PCDHGA1: variants seen among roughly 807,000 people sequenced by gnomAD.
The protein encoded by PCDHGA1 is protocadherin gamma subfamily A, 1.
Under a neutral mutation model 58.0 loss-of-function variants are expected in PCDHGA1, and 32 were observed. That is an observed-to-expected ratio of 0.55 (90% CI 0.42 to 0.74). The LOEUF is 0.74. PCDHGA1 is among the 30% of genes least tolerant of loss of function. The pLI, the probability that PCDHGA1 is intolerant of heterozygous loss-of-function variation, is 0.00. For missense variants in PCDHGA1, 1,205 were observed against 1,182.3 expected (o/e 1.02, Z -0.28); for synonymous variants, 498 against 501.1 (o/e 0.99, Z 0.08).
intron 1 of PCDHGA1, chr5:141,366,822 T>C: frequency 6.5e-7 from 1 of 1,538,974 alleles, no homozygotes; most frequent in Non-Finnish European, 8.8e-7. Flanking sequence ...TTCTGTCATA[T>C]TCAGAATCAG....
At position 141,432,119 on chromosome 5, in the gene PCDHGA1, C is replaced by T. The variant is rs1273427353; in HGVS notation, c.2422-62688C>T. On this transcript the variant is annotated intron_variant, in intron 1 of 3. Transcript: ENST00000517417. The surrounding 1 kb of genome is among the most constrained non-coding windows in gnomAD (Gnocchi z 6.0). ...CAACGACAACCCGCCGGTCTTCCCT[C>T]AGGCCTCCTATTCCGCTTATATCCC... is the stretch of plus-strand genomic sequence containing the variant. 7 of 1,614,184 alleles carry T rather than the reference C, an allele frequency of 4.3e-6. No homozygotes were observed. Among genetic ancestry groups the T allele is most frequent in the Non-Finnish European group, 5.9e-6 (7 of 1,180,032 alleles).
chr5:141,499,174 C>T (rs930279867), intron 2 of PCDHGA1, among the ~76,000 whole-genome samples: 20 of 152,198 alleles, frequency 1.3e-4, no homozygotes, highest in Middle Eastern at 3.4e-3. Flanking sequence ...AGCTCTGAGC[C>T]CAGCAAACCA....
Position 141,494,872 on chromosome 5 carries a change from G to A in PCDHGA1, c.2480+7G>A. On this transcript the variant is annotated splice_region_variant and intron_variant, in intron 2 of 3. Transcript: ENST00000517417. ...AGAGACCCGGCACCAGCGGGTAGGT[G>A]ACTGATTCTCCAGCCCACCCTCTTC... 1 of 1,614,128 alleles carries A rather than the reference G, an allele frequency of 6.2e-7. No individual in the cohort carries two copies. Among genetic ancestry groups the A allele is most frequent in the South Asian group, 1.1e-5 (1 of 91,074 alleles).
At chr5:141,418,441 A>G (rs2096258419) in intron 1 of PCDHGA1, 3 of 1,614,000 alleles carry the variant, frequency 1.9e-6, no homozygotes, top group South Asian at 1.1e-5. Flanking sequence ...ATCCAGAATT[A>G]GTATTGCAGA....
chr5:141,435,883 C>A (rs1458527952), intron 1 of PCDHGA1, among the ~76,000 whole-genome samples: 1 of 152,020 alleles, frequency 6.6e-6, no homozygotes, highest in African/African-American at 2.4e-5. Flanking sequence ...GATTGGAAAC[C>A]CCTTAGAGAA....
At chr5:141,393,203 C>A in intron 1 of PCDHGA1, 1 of 1,613,514 alleles carries the variant, frequency 6.2e-7, no homozygotes, top group South Asian at 1.1e-5. Context: ...ACGATAATAA[C>A]CCAAAATTCC....
intron 1 of PCDHGA1, chr5:141,409,895 C>T (rs928044268): frequency 2.5e-6 from 4 of 1,613,098 alleles, no homozygotes; most frequent in Non-Finnish European, 3.4e-6. Flanking sequence ...GGTGCTGTAC[C>T]CAGCTCTGGG....
intron 1 of PCDHGA1, chr5:141,405,052 C>A (rs182635391): frequency 2.0e-4 from 329 of 1,613,956 alleles, no homozygotes; most frequent in Non-Finnish European, 2.5e-4. Flanking sequence ...TGGCAGTCGT[C>A]TCCTGTGTCT....
At chr5:141,495,400 C>T (rs554849650) in intron 2 of PCDHGA1, among the ~76,000 whole-genome samples, 4 of 152,278 alleles carry the variant, frequency 2.6e-5, no homozygotes, top group Non-Finnish European at 1.5e-5. Flanking sequence ...ATGGAGCAGG[C>T]CCCCTTCTCC....
intron 1 of PCDHGA1, chr5:141,350,696 G>A (rs1758540273): frequency 6.2e-7 from 1 of 1,613,948 alleles, no homozygotes; most frequent in Non-Finnish European, 8.5e-7. Context: ...AGCCTTACCC[G>A]GGGTAAAATT....
chr5:141,335,957 G>A (rs1478740932), intron 1 of PCDHGA1, among the ~76,000 whole-genome samples: 1 of 151,944 alleles, frequency 6.6e-6, no homozygotes, highest in Non-Finnish European at 1.5e-5. Flanking sequence ...AACTAATTAG[G>A]AGTAAGTTTA....
At chr5:141,355,553 G>T (rs758635124) in intron 1 of PCDHGA1, 1 of 1,614,014 alleles carries the variant, frequency 6.2e-7, no homozygotes, top group East Asian at 2.2e-5. Context: ...AAGATTTTGC[G>T]GGTAGAGGTG....
chr5:141,354,085 T>C (rs1026481985), intron 1 of PCDHGA1, among the ~76,000 whole-genome samples: 1 of 152,246 alleles, frequency 6.6e-6, no homozygotes, highest in South Asian at 2.1e-4. Flanking sequence ...CATTTCCTTT[T>C]ACTGGCTATT....
intron 1 of PCDHGA1, among the ~76,000 whole-genome samples, chr5:141,481,171 C>G (rs927813327): frequency 6.6e-6 from 1 of 152,120 alleles, no homozygotes; most frequent in African/African-American, 2.4e-5. Flanking sequence ...AACCAGAATC[C>G]AGCTTTATTG....
intron 1 of PCDHGA1, chr5:141,352,051 C>T (rs1319194846): frequency 3.1e-6 from 5 of 1,607,202 alleles, no homozygotes; most frequent in South Asian, 1.1e-5. Flanking sequence ...CAGGACACAA[C>T]GCTTGGCTGT....
intron 1 of PCDHGA1, among the ~76,000 whole-genome samples, chr5:141,449,929 T>C (rs2098659723): frequency 6.6e-6 from 1 of 151,912 alleles, no homozygotes; most frequent in Non-Finnish European, 1.5e-5. Context: ...TACCATACCT[T>C]ATAGTATATT....
intron 1 of PCDHGA1, chr5:141,366,387 A>T: frequency 6.2e-7 from 1 of 1,614,088 alleles, no homozygotes. Flanking sequence ...GACCCTGAGG[A>T]TCTGGACCTC....
chr5:141,438,714 G>A (rs1051491309), intron 1 of PCDHGA1, among the ~76,000 whole-genome samples: 1 of 147,786 alleles, frequency 6.8e-6, no homozygotes, highest in South Asian at 2.2e-4. Flanking sequence ...AGGCTGGAGT[G>A]CAAGTGGTGT....
At chr5:141,475,980 C>T (rs758066578) in intron 1 of PCDHGA1, 45 of 1,028,498 alleles carry the variant, frequency 4.4e-5, no homozygotes, top group Non-Finnish European at 6.2e-5. Flanking sequence ...ACTGAACAGC[C>T]GGCGAGCAAA....
Sources: gnomAD v4.1 joint callset for allele counts (sites outside exome capture counted in the v4.1 genomes callset) on GRCh38, gnomAD v4.1.1 for gene constraint, Gnocchi (gnomAD v3.1) non-coding constraint, MANE v1.5 for transcripts, NCBI Gene and HGNC (gene_info 2026-07-23, HGNC 2026-07-21) for gene names.